PCCA: variants seen among roughly 807,000 people sequenced by gnomAD.
PCCA encodes propionyl-CoA carboxylase subunit alpha, also known as propionyl-CoA carboxylase alpha chain, mitochondrial.
A neutral mutation model predicts 101.3 loss-of-function variants in PCCA; 74 were observed. That is an observed-to-expected ratio of 0.73 (90% CI 0.61 to 0.89). The LOEUF (loss-of-function observed/expected upper bound fraction) is 0.89. PCCA is among the 40% of genes least tolerant of loss of function. PCCA has a pLI of 0.00. For synonymous variants in PCCA, 294 were observed against 313.6 expected (o/e 0.94, Z 0.66); for missense variants, 891 against 907.0 (o/e 0.98, Z 0.23).
intron 19 of PCCA, among the ~76,000 whole-genome samples, chr13:100,418,182 C>CA (rs2078505218): frequency 1.3e-5 from 2 of 152,332 alleles, no homozygotes; most frequent in Admixed American, 1.3e-4. Flanking sequence ...CTCACTCCTT[C>CA]ATTCTTCCAT....
chr13:100,163,636 C>T (rs1034028530), intron 6 of PCCA, among the ~76,000 whole-genome samples: 4 of 152,098 alleles, frequency 2.6e-5, no homozygotes, highest in Non-Finnish European at 5.9e-5. Context: ...TCATCAGGCT[C>T]ACCCTTTAAA....
chr13:100,329,741 C>T (rs1041929756), intron 16 of PCCA, among the ~76,000 whole-genome samples: 2 of 152,034 alleles, frequency 1.3e-5, no homozygotes, highest in African/African-American at 2.4e-5. Flanking sequence ...AATGGCTGGA[C>T]CAAGAAGAAG....
chr13:100,349,695 T>C (rs1295905095), intron 18 of PCCA, among the ~76,000 whole-genome samples: 2 of 152,244 alleles, frequency 1.3e-5, no homozygotes, highest in Non-Finnish European at 2.9e-5. Context: ...AAGGTTAAAA[T>C]AAAGCACTCC....
At chr13:100,398,031 T>C (rs1204495158) in intron 19 of PCCA, among the ~76,000 whole-genome samples, 1 of 152,226 alleles carries the variant, frequency 6.6e-6, no homozygotes, top group African/African-American at 2.4e-5. Flanking sequence ...TAAATGTTTT[T>C]GTGATTAGAT....
chr13:100,465,699 C>T (rs1027377071), intron 21 of PCCA, among the ~76,000 whole-genome samples: 4 of 152,218 alleles, frequency 2.6e-5, no homozygotes, highest in Non-Finnish European at 5.9e-5. Context: ...AACTAGATGT[C>T]AGAACATGTC....
intron 21 of PCCA, among the ~76,000 whole-genome samples, chr13:100,505,583 A>T (rs565290769): frequency 6.6e-6 from 1 of 152,364 alleles, no homozygotes; most frequent in South Asian, 2.1e-4. Context: ...CACCAGTGTC[A>T]GTCTGGTGCA....
intron 5 of PCCA, among the ~76,000 whole-genome samples, chr13:100,156,239 T>C (rs2053872721): frequency 6.6e-6 from 1 of 152,152 alleles, no homozygotes; most frequent in Non-Finnish European, 1.5e-5. Flanking sequence ...CAGCTAATTT[T>C]GTATTTTTAG....
intron 1 of PCCA, among the ~76,000 whole-genome samples, chr13:100,097,587 C>T (rs1300374264): frequency 6.6e-6 from 1 of 152,060 alleles, no homozygotes; most frequent in Non-Finnish European, 1.5e-5. Context: ...GGCATGGTGG[C>T]ACATGCCTGT....
intron 19 of PCCA, among the ~76,000 whole-genome samples, chr13:100,373,074 A>G (rs139388984): frequency 2.0e-5 from 3 of 152,204 alleles, no homozygotes. Flanking sequence ...TCTGGAATAT[A>G]TAAAGAAATT....
chr13:100,503,612 A>G (rs939509071), intron 21 of PCCA, among the ~76,000 whole-genome samples: 20 of 151,934 alleles, frequency 1.3e-4, no homozygotes, highest in African/African-American at 4.6e-4. Flanking sequence ...CCCTCTTTAA[A>G]TGAGCTGTGG....
intron 10 of PCCA, among the ~76,000 whole-genome samples, chr13:100,264,470 A>C (rs990092655): frequency 5.3e-5 from 8 of 152,184 alleles, no homozygotes; most frequent in African/African-American, 1.9e-4. Flanking sequence ...ATTAGTTCTT[A>C]AATTGCATAA....
At chr13:100,103,909 T>TA (rs2047516947) in intron 2 of PCCA, among the ~76,000 whole-genome samples, 3 of 152,246 alleles carry the variant, frequency 2.0e-5, no homozygotes, top group South Asian at 2.1e-4. Context: ...GTGCTGGGAT[T>TA]ACAGGCGTGA....
In PCCA at chr13:100,150,795, C is replaced by T. The variant is rs189373336; in HGVS notation, c.301-4184C>T. On this transcript the variant is annotated intron_variant, in intron 4 of 23. Transcript: ENST00000376285. ...TGGCGTCCAGCTTGCTCCTCTGCAACGGACTGAAGGCTTGGAGCAAACTTT... is the reference window on the plus strand; with the variant it reads ...TGGCGTCCAGCTTGCTCCTCTGCAATGGACTGAAGGCTTGGAGCAAACTTT... 3.9e-4 allele frequency: 611 copies of T among 1,586,126 alleles called. 2 individuals are homozygous for T. The highest frequency in any genetic ancestry group is 1.3e-3 in the South Asian group (122 of 90,576).
intron 19 of PCCA, among the ~76,000 whole-genome samples, chr13:100,392,701 G>A (rs1215249340): frequency 6.6e-6 from 1 of 152,196 alleles, no homozygotes; most frequent in Non-Finnish European, 1.5e-5. Flanking sequence ...GGGCAGAGGA[G>A]GTAGCAGAGA....
At chr13:100,318,867 G>A (rs2067682300) in intron 16 of PCCA, among the ~76,000 whole-genome samples, 1 of 152,166 alleles carries the variant, frequency 6.6e-6, no homozygotes, top group South Asian at 2.1e-4. Context: ...AGATGGCTGA[G>A]TCAAATGGTA....
At chr13:100,289,342 T>G (rs924846065) in intron 12 of PCCA, among the ~76,000 whole-genome samples, 1 of 152,108 alleles carries the variant, frequency 6.6e-6, no homozygotes, top group African/African-American at 2.4e-5. Context: ...ATAGATGGGG[T>G]CTCAACATAT....
chr13:100,188,191 G>A lies in PCCA; in HGVS notation c.469-21141G>A, dbSNP rs563534558. Among the ~76,000 whole-genome samples, 7 of 152,326 alleles carry A rather than the reference G, an allele frequency of 4.6e-5. 1 individual carries two copies. The highest frequency in any genetic ancestry group is 4.6e-4 in the Admixed American group (7 of 15,298). On this transcript the variant is annotated intron_variant, in intron 6 of 23. Coordinates refer to ENST00000376285, the MANE Select transcript of PCCA (RefSeq NM_000282.4). ...GCCTGTAATCCCAGCTACTTGGGAG[G>A]CTGAGGCAGGAGAATCGCTTGAAGC...
chr13:100,352,748 C>T (rs1472446267), intron 18 of PCCA, among the ~76,000 whole-genome samples: 5 of 151,908 alleles, frequency 3.3e-5, no homozygotes, highest in Non-Finnish European at 7.4e-5. Flanking sequence ...GTCACCCAGG[C>T]TAGAATACAG....
chr13:100,461,725 T>C (rs1007203788), intron 21 of PCCA, among the ~76,000 whole-genome samples: 1 of 152,242 alleles, frequency 6.6e-6, no homozygotes, highest in Non-Finnish European at 1.5e-5. Flanking sequence ...CTGCCTGCCT[T>C]TGCAGCTGCT....
Sources: gnomAD v4.1 joint callset for allele counts (sites outside exome capture counted in the v4.1 genomes callset) on GRCh38, gnomAD v4.1.1 for gene constraint, MANE v1.5 for transcripts, NCBI Gene and HGNC (gene_info 2026-07-23, HGNC 2026-07-21) for gene names.